The following FKBP4 variants were observed in gnomAD, a reference collection of about 807,000 sequenced individuals.
FKBP4 encodes the protein peptidyl-prolyl cis-trans isomerase FKBP4.
FKBP4 carries 28 observed loss-of-function variants against 54.1 expected under a neutral mutation model. The observed-to-expected ratio is 0.52, with a 90% confidence interval of 0.38 to 0.71. The LOEUF (loss-of-function observed/expected upper bound fraction) is 0.71, where lower values mean the gene tolerates loss of function less well. Among genes scored for constraint, FKBP4 ranks in the 30% least tolerant of loss-of-function variants. The pLI, the probability that FKBP4 is intolerant of heterozygous loss-of-function variation, is 0.00. For synonymous variants in FKBP4, 223 were observed against 216.1 expected (o/e 1.03, Z -0.28); for missense variants, 493 against 574.4 (o/e 0.86, Z 1.45).
At position 2,797,797 on chromosome 12, in the gene FKBP4, TG is replaced by T; in HGVS notation, c.320del (p.Cys107SerfsTer36). On this transcript the variant is annotated frameshift_variant, in exon 3 of 10. Transcript: ENST00000001008. LOFTEE classifies it high-confidence loss of function. ...MKVGEVCHIT[C>X]KPEYAYGSAG... is the part of the protein sequence containing the mutation. ...GGTGGGGGAGGTGTGCCACATCACC[TG>T]CAAACCAGAATATGCCTACGGTTCA... The T allele has an allele frequency of 6.2e-7, 1 of 1,614,062 alleles. No individual in the cohort carries two copies. The highest frequency in any genetic ancestry group is 8.5e-7 in the Non-Finnish European group (1 of 1,179,964).
rs1226885984 is a variant in FKBP4, at chr12:2,799,870, G to T, written c.692G>T (p.Gly231Val). 2 of 1,614,036 alleles carry T rather than the reference G, an allele frequency of 1.2e-6. No individual in the cohort carries two copies. The highest frequency in any genetic ancestry group is 3.3e-5 in the Admixed American group (2 of 60,020). Residue 231 changes from glycine to valine, a missense_variant, in exon 6 of 10, where the codon GGG becomes GTG. By Grantham distance (109) the Gly-to-Val change is moderately radical. Coordinates refer to ENST00000001008, the MANE Select transcript of FKBP4 (RefSeq NM_002014.4). ...TCCAGCTATGCTTTTGGCAGTGTTGGGAAGGAAAAGTTCCAAATCCCACCA... is the reference window on the plus strand; with the variant it reads ...TCCAGCTATGCTTTTGGCAGTGTTGTGAAGGAAAAGTTCCAAATCCCACCA... Reference protein sequence around the residue: ...LKPSYAFGSVGKEKFQIPPNA... With the variant: ...LKPSYAFGSVVKEKFQIPPNA...
chr12:2,805,025 C>T lies in FKBP4; in HGVS notation c.*1767C>T. The T allele has an allele frequency of 3.2e-6, 1 of 316,666 alleles. No individual in the cohort carries two copies. Among genetic ancestry groups the T allele is most frequent in the South Asian group, 2.5e-5 (1 of 39,564 alleles). 19.6% of individuals were successfully genotyped at this position (316,666 alleles called of 1,614,324 possible). ...CTTGGTATTTCAAAAGTAGTAGATT[C>T]TTACGCCTGCAGCCAACAATAATCA... is the stretch of plus-strand genomic sequence containing the variant. On this transcript the variant is annotated 3_prime_UTR_variant, in exon 10 of 10. Transcript: ENST00000001008.
Position 2,801,342 on chromosome 12 carries a change from G to C in FKBP4, c.1258G>C (p.Glu420Gln), listed in dbSNP as rs375946541. 1 of 1,613,820 alleles carries C rather than the reference G, an allele frequency of 6.2e-7. No homozygotes were observed. ...TGCCAATATGTTTGAGAGGCTGGCTGAGGAGGAGAACAAGGTGAGGATTGG... is the reference window on the plus strand; with the variant it reads ...TGCCAATATGTTTGAGAGGCTGGCTCAGGAGGAGAACAAGGTGAGGATTGG... The part of the protein sequence containing the change: ...LYANMFERLA[E>Q]EENKAKAEAS... Residue 420 changes from glutamate (E) to glutamine (Q), a missense_variant, in exon 9 of 10, where the codon GAG becomes CAG. Transcript: ENST00000001008.
chr12:2,802,294 C>T (rs545162911), intron 9 of FKBP4, among the ~76,000 whole-genome samples: 1 of 152,278 alleles, frequency 6.6e-6, no homozygotes, highest in East Asian at 1.9e-4. Flanking sequence ...CCCGCCACCA[C>T]ACCCGGCTAA....
rs2097906413 is a variant in FKBP4, at chr12:2,804,266, A to G, written c.*1008A>G. The G allele has an allele frequency of 6.6e-6, 1 of 152,202 alleles. No individual in the cohort carries two copies. Among genetic ancestry groups the G allele is most frequent in the Non-Finnish European group, 1.5e-5 (1 of 68,040 alleles). 9.4% of individuals were successfully genotyped at this position (152,202 alleles called of 1,614,324 possible). A position where few individuals can be genotyped will look rare whatever the true frequency, so the allele number is the denominator to read the frequency against. On this transcript the variant is annotated 3_prime_UTR_variant, in exon 10 of 10. Transcript: ENST00000001008. ...GGAAGACGAAAGTATAAAGATCTAG[A>G]AGACTGGGACACCATGCATGTTCAT... is the stretch of plus-strand genomic sequence containing the variant.
intron 2 of FKBP4, 135 bp downstream of exon 2, chr12:2,797,417 T>C: frequency 9.2e-7 from 1 of 1,087,622 alleles, no homozygotes; most frequent in Non-Finnish European, 1.3e-6. Flanking sequence ...GTCACTCTTT[T>C]TTTTTTTTTT....
In FKBP4 at chr12:2,803,300, A is replaced by C; in HGVS notation, c.*42A>C. On this transcript the variant is annotated 3_prime_UTR_variant, in exon 10 of 10. Transcript: ENST00000001008. ...CTACTCCTGCGGCTGCCTGCCCCCC[A>C]GTCTCCCCACTCCACCCTGTTAGTT... The C allele has an allele frequency of 7.3e-7, 1 of 1,367,854 alleles. No individual in the cohort carries two copies. Among genetic ancestry groups the C allele is most frequent in the East Asian group, 2.5e-5 (1 of 40,234 alleles). 84.7% of individuals were successfully genotyped at this position (1,367,854 alleles called of 1,614,324 possible). A position where few individuals can be genotyped will look rare whatever the true frequency, so the allele number is the denominator to read the frequency against.
In FKBP4 at chr12:2,803,240, G is replaced by C. The variant is rs1803817; in HGVS notation, c.1362G>C (p.Gln454His). Residue 454 changes from glutamine (Q) to histidine (H), a missense_variant, in exon 10 of 10, where the codon CAG (glutamine) becomes CAC (histidine). Coordinates refer to ENST00000001008, the MANE Select transcript of FKBP4 (RefSeq NM_002014.4). ...QKSNTAGSQSQVETEA is the reference protein window; with the variant it reads ...QKSNTAGSQSHVETEA ...GCAACACGGCAGGGAGCCAGTCTCAGGTGGAGACAGAAGCATAGCCCCTCT... is the reference window on the plus strand; with the variant it reads ...GCAACACGGCAGGGAGCCAGTCTCACGTGGAGACAGAAGCATAGCCCCTCT... 1.5e-3 allele frequency: 2,435 copies of C among 1,589,354 alleles called. 27 individuals carry two copies. The African/African-American group carries it at 0.028, about 19-fold the overall frequency.
At position 2,799,243 on chromosome 12, in the gene FKBP4, A is replaced by T; in HGVS notation, c.670A>T (p.Ser224Cys). 1 of 1,500,758 alleles carries T rather than the reference A, an allele frequency of 6.7e-7. No individual in the cohort carries two copies. The highest frequency in any genetic ancestry group is 8.9e-7 in the Non-Finnish European group (1 of 1,125,212). 93.0% of individuals were successfully genotyped at this position (1,500,758 alleles called of 1,614,324 possible). A position where few individuals can be genotyped will look rare whatever the true frequency, so the allele number is the denominator to read the frequency against. The stretch of plus-strand genomic sequence containing the variant: ...ACATTCCATCGTGTACCTCAAGCCC[A>T]GGTGAGGGGTGGGCACTTCGTAGGG... The part of the protein sequence containing the change: ...GEHSIVYLKP[S>C]YAFGSVGKEK... The change falls in exon 5 of 10, where the codon AGC becomes TGC. Residue 224 changes from serine to cysteine, a missense_variant and splice_region_variant. By Grantham distance (112) the Ser-to-Cys change is moderately radical. Coordinates refer to ENST00000001008, the MANE Select transcript of FKBP4 (RefSeq NM_002014.4).
chr12:2,797,686 C>G (rs747907100), intron 2 of FKBP4, 43 bp from the exon 3 acceptor site: 42 of 1,574,000 alleles, frequency 2.7e-5, no homozygotes, highest in Non-Finnish European at 3.5e-5. Context: ...AGCCCAGAAT[C>G]AGAACCCTGC....
chr12:2,796,670 T>C, intron 1 of FKBP4: 1 of 1,088,694 alleles, frequency 9.2e-7, no homozygotes, highest in South Asian at 2.5e-5. Flanking sequence ...CTCCTCTCGC[T>C]CTCCTGTCTC....
rs2097904103 is a variant in FKBP4 at position 2,800,448 on chromosome 12, A to G, written c.903A>G (p.Glu301=). ...ATAAGAAGATCGTGTCTTGGCTGGA[A>G]TATGAGTCTAGTTTTTCCAATGAGG... ...LQYKKIVSWL[E]YESSFSNEEA... The change falls in exon 8 of 10, where the codon GAA becomes GAG. Residue 301 remains glutamate, a synonymous_variant. Transcript: ENST00000001008. The G allele has an allele frequency of 1.2e-6, 2 of 1,614,148 alleles. No individual in the cohort carries two copies. The highest frequency in any genetic ancestry group is 1.7e-6 in the Non-Finnish European group (2 of 1,179,986).
Position 2,796,584 on chromosome 12 carries a change from G to A in FKBP4, c.106-554G>A, listed in dbSNP as rs960125549. 6.8e-6 allele frequency: 8 copies of A among 1,179,366 alleles called. No individual in the cohort carries two copies. In the African/African-American group the frequency reaches 1.3e-4, roughly 19 times the overall value. The allele number at this position is 1,179,366 out of a possible 1,614,324, so 73.1% of individuals were successfully genotyped here. ...CCCAAGTCAGAGTTTAAGGTCCCAT[G>A]GAGAGCCTCCGGGTTCACCTATAAC... is the stretch of plus-strand genomic sequence containing the variant. On this transcript the variant is annotated intron_variant, in intron 1 of 9. Coordinates refer to ENST00000001008, the MANE Select transcript of FKBP4 (RefSeq NM_002014.4).
intron 5 of FKBP4, among the ~76,000 whole-genome samples, chr12:2,799,530 C>G (rs913056804): frequency 3.2e-4 from 48 of 152,228 alleles, no homozygotes; most frequent in African/African-American, 1.1e-3. Flanking sequence ...CTACTACATG[C>G]CAGGCACTGC....
In FKBP4 at chr12:2,799,165, C is replaced by G; in HGVS notation, c.592C>G (p.Leu198Val). ...CTTTGAGATTGGCGAGGGGGAGAAC[C>G]TGGATCTGCCTTATGGTCTGGAGAG... ...LRFEIGEGEN[L>V]DLPYGLERAI... Residue 198 changes from leucine (L) to valine (V), a missense_variant, in exon 5 of 10, where the codon CTG becomes GTG. Transcript: ENST00000001008. The G allele has an allele frequency of 6.3e-7, 1 of 1,595,212 alleles. No homozygotes were observed. Among genetic ancestry groups the G allele is most frequent in the Non-Finnish European group, 8.5e-7 (1 of 1,172,702 alleles).
rs2097903292 is a variant in FKBP4, at chr12:2,798,858, C to T, written c.514+32C>T. The T allele has an allele frequency of 6.2e-7, 1 of 1,607,802 alleles. No homozygotes were observed. The highest frequency in any genetic ancestry group is 1.1e-5 in the South Asian group (1 of 90,946). ...CAGTACAGTCTGGGCTTTCAATTCT[C>T]ATTCTGATATTTAGGCCTTGTGTGG... On this transcript the variant is annotated intron_variant, in intron 4 of 9. Transcript: ENST00000001008. The surrounding 1 kb of genome is among the most constrained non-coding windows in gnomAD (Gnocchi z 4.3).
chr12:2,800,661 T>G, intron 8 of FKBP4, 84 bp downstream of exon 8: 2 of 1,364,866 alleles, frequency 1.5e-6, no homozygotes, highest in Non-Finnish European at 2.0e-6. Flanking sequence ...TTCCCCTTGG[T>G]GACTAGGGCA....
chr12:2,800,554 G>A lies in FKBP4; in HGVS notation c.1009G>A (p.Ala337Thr). The change falls in exon 8 of 10, where the codon GCT becomes ACT. Residue 337 changes from alanine (A) to threonine (T), a missense_variant. Physicochemically the swap from Ala to Thr is moderately conservative, Grantham distance 58. Coordinates refer to ENST00000001008, the MANE Select transcript of FKBP4 (RefSeq NM_002014.4). ...MCHLKLQAFS[A>T]AIESCNKALE... is the part of the protein sequence containing the mutation. ...TCATCTGAAACTACAGGCCTTCTCT[G>A]CTGCCATTGAAAGCTGTAACAAGGT... 1 of 1,612,082 alleles carries A rather than the reference G, an allele frequency of 6.2e-7. No individual in the cohort carries two copies. The highest frequency in any genetic ancestry group is 1.1e-5 in the South Asian group (1 of 90,848).
Position 2,803,158 on chromosome 12 carries a change from C to CG in FKBP4, c.1280_1281insG (p.Glu428ArgfsTer10), listed in dbSNP as rs2097905781. ...TGTTCATCTTCCTTGCAGGCCAAGG[C>CG]AGAGGCTTCCTCAGGAGACCATCCC... On this transcript the variant is annotated frameshift_variant, in exon 10 of 10. Coordinates refer to ENST00000001008, the MANE Select transcript of FKBP4 (RefSeq NM_002014.4). LOFTEE classifies it high-confidence loss of function. The CG allele has an allele frequency of 1.2e-6, 2 of 1,602,396 alleles. No individual in the cohort carries two copies. Among genetic ancestry groups the CG allele is most frequent in the Non-Finnish European group, 1.7e-6 (2 of 1,174,264 alleles).
Sources: allele counts gnomAD v4.1 joint callset (sites outside exome capture counted in the v4.1 genomes callset), GRCh38; gene constraint gnomAD v4.1.1; non-coding constraint Gnocchi (gnomAD v3.1); transcripts MANE v1.5; gene names NCBI Gene and HGNC (gene_info 2026-07-23, HGNC 2026-07-21).